The following ANKDD1A variants were observed in gnomAD, a reference collection of about 807,000 sequenced individuals.
The protein encoded by ANKDD1A is ankyrin repeat and death domain-containing protein 1A.
A neutral mutation model predicts 63.5 loss-of-function variants in ANKDD1A; 59 were observed. The ratio of observed to expected loss-of-function variants is 0.93; its 90% CI spans 0.75 to 1.15. ANKDD1A has a LOEUF of 1.15. Ranked by LOEUF, ANKDD1A falls within the 50% of genes most tolerant of loss-of-function variation. ANKDD1A has a pLI of 0.00. For synonymous variants in ANKDD1A, 266 were observed against 263.9 expected, an observed-to-expected ratio of 1.01 and a Z score of -0.08; for missense variants, 632 against 656.4, an observed-to-expected ratio of 0.96 and a Z score of 0.41.
In ANKDD1A at chr15:64,947,559, G is replaced by A. The variant is rs1226525150; in HGVS notation, c.1317G>A (p.Glu439=). The part of the protein sequence containing the change: ...KKLAYSWEFT[E]AHVDAIEQQW... ...TGGCATATTCCTGGGAGTTCACGGA[G>A]GCACATGTCGACGCCATCGAGCAAC... is the stretch of plus-strand genomic sequence containing the variant. Residue 439 remains glutamate (E), a synonymous_variant, in exon 13 of 15, where the codon GAG becomes GAA. Transcript: ENST00000319580. 6.2e-7 allele frequency: 1 copy of A among 1,614,162 alleles called. No homozygotes were observed. Among genetic ancestry groups the A allele is most frequent in the South Asian group, 1.1e-5 (1 of 91,086 alleles).
intron 1 of ANKDD1A, 81 bp downstream of exon 1, chr15:64,912,045 G>A: frequency 8.2e-7 from 1 of 1,218,036 alleles, no homozygotes; most frequent in Non-Finnish European, 1.0e-6. Context: ...CCAGGGGTGA[G>A]GTTGGCGCCC....
rs960644020 is a variant in ANKDD1A, at chr15:64,958,587, G to A, written c.*1399G>A. ...TGGGAAAGGTATTTTGTACCATATGGGACTGAAATCATTTATCTGGATGAA... is the reference window on the plus strand; with the variant it reads ...TGGGAAAGGTATTTTGTACCATATGAGACTGAAATCATTTATCTGGATGAA... On this transcript the variant is annotated 3_prime_UTR_variant, in exon 15 of 15. Transcript: ENST00000319580. The A allele has an allele frequency of 7.2e-5, 11 of 152,056 alleles. No homozygotes were observed. Among genetic ancestry groups the A allele is most frequent in the Non-Finnish European group, 1.5e-4 (10 of 68,000 alleles). 9.4% of individuals were successfully genotyped at this position (152,056 alleles called of 1,614,324 possible). A position where few individuals can be genotyped will look rare whatever the true frequency, so the allele number is the denominator to read the frequency against.
chr15:64,950,205 T>C, intron 14 of ANKDD1A: 1 of 985,420 alleles, frequency 1.0e-6, no homozygotes, highest in Non-Finnish European at 1.2e-6. Flanking sequence ...CCCTGTGACC[T>C]TCACAGCCCC....
At chr15:64,951,067 T>G (rs1283261440) in intron 14 of ANKDD1A, 18 of 1,220,276 alleles carry the variant, frequency 1.5e-5, no homozygotes, top group East Asian at 6.4e-5. Flanking sequence ...TGGAGCCACC[T>G]GAACAGAAGA....
At chr15:64,951,537 C>CTCT (rs144109536) in intron 14 of ANKDD1A, 100,606 of 110,876 alleles carry the variant, frequency 0.91, 46,076 homozygotes, top group Non-Finnish European at 0.98. Context: ...TTCCTCTTCC[C>CTCT]TCTTCTTTCT....
intron 3 of ANKDD1A, among the ~76,000 whole-genome samples, chr15:64,919,186 C>T (rs1399330749): frequency 6.6e-6 from 1 of 152,078 alleles, no homozygotes; most frequent in Non-Finnish European, 1.5e-5. Flanking sequence ...TGTGATGTAT[C>T]CCGGAGGTCC....
chr15:64,930,370 C>A (rs1778376400), intron 6 of ANKDD1A, among the ~76,000 whole-genome samples: 1 of 151,842 alleles, frequency 6.6e-6, no homozygotes, highest in South Asian at 2.1e-4. Flanking sequence ...CAAAAATAGT[C>A]TCAGGAGGAC....
At chr15:64,951,703 C>CCT (rs2085283484) in intron 14 of ANKDD1A, among the ~76,000 whole-genome samples, 2 of 18,304 alleles carry the variant, frequency 1.1e-4, no homozygotes, top group Non-Finnish European at 3.2e-4. Context: ...CTTCTTCTTC[C>CCT]TTATTTTCTT....
chr15:64,925,932 TTCA>T (rs2085043121), intron 4 of ANKDD1A, 131 bp from the exon 5 acceptor site: 2 of 751,106 alleles, frequency 2.7e-6, no homozygotes, highest in Non-Finnish European at 4.3e-6. Context: ...CTCGGGTCCA[TTCA>T]TCATTTACAG....
chr15:64,924,179 T>G (rs1230855413), intron 4 of ANKDD1A, among the ~76,000 whole-genome samples: 1 of 152,076 alleles, frequency 6.6e-6, no homozygotes, highest in Admixed American at 6.5e-5. Flanking sequence ...GCAGGAAGGG[T>G]TGGAATGTCT....
chr15:64,953,506 C>CT (rs2085342800), intron 14 of ANKDD1A, among the ~76,000 whole-genome samples: 1 of 49,254 alleles, frequency 2.0e-5, no homozygotes, highest in Admixed American at 2.1e-4. Context: ...GTTCTTCCTC[C>CT]TCTTCCTTCT....
At chr15:64,921,347 T>C (rs1372059168) in intron 3 of ANKDD1A, among the ~76,000 whole-genome samples, 5 of 152,140 alleles carry the variant, frequency 3.3e-5, no homozygotes, top group Admixed American at 6.6e-5. Context: ...CTTTATGAAA[T>C]GGTGATGAGA....
intron 9 of ANKDD1A, among the ~76,000 whole-genome samples, chr15:64,940,716 G>T (rs1199398239): frequency 6.6e-6 from 1 of 151,730 alleles, no homozygotes; most frequent in Non-Finnish European, 1.5e-5. Flanking sequence ...GGGATTACAG[G>T]CATGAGCCAC....
intron 8 of ANKDD1A, among the ~76,000 whole-genome samples, chr15:64,933,831 ACT>A (rs1002802849): frequency 1.3e-4 from 19 of 150,790 alleles, no homozygotes; most frequent in African/African-American, 3.9e-4. Context: ...ACAGAGTGAG[ACT>A]CTGTCTCGGG....
At chr15:64,955,106 T>C (rs554759699) in intron 14 of ANKDD1A, among the ~76,000 whole-genome samples, 195 of 151,978 alleles carry the variant, frequency 1.3e-3, no homozygotes, top group Middle Eastern at 6.8e-3. Flanking sequence ...CAGGCTGGAG[T>C]GCAGTGGCGC....
chr15:64,939,874 A>G (rs2085166699), intron 9 of ANKDD1A, among the ~76,000 whole-genome samples: 1 of 152,206 alleles, frequency 6.6e-6, no homozygotes, highest in Non-Finnish European at 1.5e-5. Context: ...TTAAGTGTAA[A>G]ACTATAAAGC....
At chr15:64,951,437 T>TTC (rs2085274104) in intron 14 of ANKDD1A, 1 of 132,012 alleles carries the variant, frequency 7.6e-6, no homozygotes, top group East Asian at 5.6e-4. Flanking sequence ...CTTCTTTTTC[T>TTC]TTCTTCTTCC....
At chr15:64,953,859 C>T (rs1375131127) in intron 14 of ANKDD1A, among the ~76,000 whole-genome samples, 1 of 11,306 alleles carries the variant, frequency 8.8e-5, no homozygotes, top group Non-Finnish European at 4.3e-4. Flanking sequence ...CTTTCCTCTT[C>T]TTCCTCTTTC....
At chr15:64,955,528 G>A (rs909921197) in intron 14 of ANKDD1A, among the ~76,000 whole-genome samples, 1 of 152,196 alleles carries the variant, frequency 6.6e-6, no homozygotes, top group Non-Finnish European at 1.5e-5. Context: ...GCAGGGGGAT[G>A]TGTTTCTGGG....
Sources: gnomAD v4.1 joint callset for allele counts (sites outside exome capture counted in the v4.1 genomes callset) on GRCh38, gnomAD v4.1.1 for gene constraint, MANE v1.5 for transcripts, NCBI Gene and HGNC (gene_info 2026-07-23, HGNC 2026-07-21) for gene names.